Variants in TTC19 observed in about 807,000 individuals in gnomAD.
TTC19 encodes the protein tetratricopeptide repeat domain 19, also known as tetratricopeptide repeat protein 19, mitochondrial.
In TTC19, 38 loss-of-function variants were observed where a neutral mutation model predicts 49.5. The ratio of observed to expected loss-of-function variants is 0.77; its 90% CI spans 0.59 to 1.01. TTC19 has a LOEUF of 1.01. Ranked by LOEUF, TTC19 falls within the 50% of genes least tolerant of loss-of-function variation. The pLI is 0.00. For missense variants in TTC19, 475 were observed against 477.7 expected, an observed-to-expected ratio of 0.99 and a Z score of 0.05; for synonymous variants, 204 against 185.2, an observed-to-expected ratio of 1.10 and a Z score of -0.83.
intron 4 of TTC19, among the ~76,000 whole-genome samples, chr17:16,003,232 G>A (rs1247727598): frequency 6.6e-6 from 1 of 152,046 alleles, no homozygotes; most frequent in Non-Finnish European, 1.5e-5. Flanking sequence ...TAACTTAAGG[G>A]TGTCCAATCT....
downstream of TTC19, among the ~76,000 whole-genome samples, chr17:16,034,312 G>C (rs996896072): frequency 6.6e-6 from 1 of 152,050 alleles, no homozygotes; most frequent in Non-Finnish European, 1.5e-5. Flanking sequence ...TTCTATTCTG[G>C]GTGTGTGCAT....
At position 16,040,354 on chromosome 17, in the gene TTC19, T is replaced by C. The variant is rs551391172; in HGVS notation, c.248-4149T>C. The C allele has an allele frequency of 8.7e-5, 93 of 1,069,160 alleles. 1 individual carries two copies. In the African/African-American group the frequency reaches 1.2e-3, roughly 14 times the overall value. The allele number at this position is 1,069,160 out of a possible 1,614,324, so 66.2% of individuals were successfully genotyped here. On this transcript the variant is annotated intron_variant, in intron 2 of 2. Transcript: ENST00000470649. Reference sequence around the variant, plus strand: ...CATATTAGAGCAGTCACTCCCCTGGTATACAGTTGGTACTCAGTACATATT... The same window carrying C: ...CATATTAGAGCAGTCACTCCCCTGGCATACAGTTGGTACTCAGTACATATT...
rs370135667 is a variant in TTC19 at position 16,005,035 on chromosome 17, C to T, written c.581+773C>T. ...CTTTCTTGGAGTTGTAACAAACATG[C>T]CTAGTTCTTGATTGGGTATGAATCC... On this transcript the variant is annotated intron_variant, in intron 6 of 9. Coordinates refer to ENST00000261647, the MANE Select transcript of TTC19 (RefSeq NM_017775.4). Among the ~76,000 whole-genome samples the T allele has an allele frequency of 1.4e-4, 22 of 152,326 alleles. No homozygotes were observed. The East Asian group carries it at 2.3e-3, about 16-fold the overall frequency.
At chr17:16,017,014 C>A (rs1971235803) in intron 7 of TTC19, among the ~76,000 whole-genome samples, 1 of 152,138 alleles carries the variant, frequency 6.6e-6, no homozygotes, top group Non-Finnish European at 1.5e-5. Context: ...TTAAAATCTT[C>A]TTTCTTTATA....
chr17:16,034,716 T>C lies in TTC19; in HGVS notation c.247+8014T>C, dbSNP rs775541018. On this transcript the variant is annotated intron_variant, in intron 2 of 2. Coordinates refer to the TTC19 transcript ENST00000470649. The stretch of plus-strand genomic sequence containing the variant: ...TTTTGAAGAACTAATAACCAAGACA[T>C]TGATATTATTGCTCTGTCTCATTTT... 6.8e-6 allele frequency: 10 copies of C among 1,460,728 alleles called. No homozygotes were observed. The East Asian group carries it at 1.6e-4, about 23-fold the overall frequency. 90.5% of individuals were successfully genotyped at this position (1,460,728 alleles called of 1,614,324 possible). A position where few individuals can be genotyped will look rare whatever the true frequency, so the allele number is the denominator to read the frequency against.
intron 1 of TTC19, 30 bp downstream of exon 1, chr17:16,000,062 CG>C: frequency 6.9e-6 from 9 of 1,296,782 alleles, no homozygotes; most frequent in Non-Finnish European, 8.8e-6. Flanking sequence ...CGGGGCCGGC[CG>C]GGCGGGGACA....
At chr17:16,041,404 C>CTTTTTTTTTTTTTT (rs3031059) in intron 2 of TTC19, 1 of 103,784 alleles carries the variant, frequency 9.6e-6, no homozygotes, top group African/African-American at 3.7e-5. Context: ...TGTGAAAGTT[C>CTTTTTTTTTTTTTT]TTTTTTTTTT....
At chr17:16,034,809 C>G in intron 2 of TTC19, 22 of 1,614,032 alleles carry the variant, frequency 1.4e-5, no homozygotes, top group Non-Finnish European at 1.9e-5. Context: ...TGGCGTCTGC[C>G]TATGGTAATC....
intron 7 of TTC19, among the ~76,000 whole-genome samples, chr17:16,018,960 C>A (rs1267223691): frequency 5.3e-5 from 8 of 152,068 alleles, no homozygotes; most frequent in Non-Finnish European, 1.0e-4. Context: ...TCCCTGTATA[C>A]CCTTCCCTCC....
intron 9 of TTC19, 77 bp from the exon 10 acceptor site, chr17:16,027,297 A>T: frequency 6.4e-7 from 1 of 1,558,912 alleles, no homozygotes. Context: ...CTATATCTGC[A>T]TTCATGCTCT....
At chr17:16,000,319 A>C (rs1359925854) in intron 2 of TTC19, 74 bp downstream of exon 2, 3 of 1,572,398 alleles carry the variant, frequency 1.9e-6, no homozygotes, top group Admixed American at 1.8e-5. Flanking sequence ...GTTGCTGCGC[A>C]TTACTCTCTC....
intron 7 of TTC19, among the ~76,000 whole-genome samples, chr17:16,017,122 G>A (rs1971238843): frequency 6.6e-6 from 1 of 152,036 alleles, no homozygotes; most frequent in Non-Finnish European, 1.5e-5. Context: ...CCTATTTAAG[G>A]TATTTGTTAC....
In TTC19 at chr17:16,001,917, G is replaced by A. The variant is rs1970748555; in HGVS notation, c.315G>A (p.Leu105=). ...EIIQLLKRAK[L]SIMKDEPEEA... is the part of the protein sequence containing the mutation. The stretch of plus-strand genomic sequence containing the variant: ...ATTATTTTGTCTTCCCTTTTCAGTT[G>A]AGCATTATGAAAGATGAGCCAGAAG... Residue 105 remains leucine (L), a splice_region_variant and synonymous_variant, in exon 3 of 10, where the codon TTG becomes TTA. Transcript: ENST00000261647. 1.2e-6 allele frequency: 2 copies of A among 1,608,638 alleles called. No individual in the cohort carries two copies. Among genetic ancestry groups the A allele is most frequent in the African/African-American group, 1.3e-5 (1 of 74,794 alleles).
chr17:16,000,315 G>T (rs1365412076), intron 2 of TTC19, 70 bp downstream of exon 2: 11 of 1,576,600 alleles, frequency 7.0e-6, no homozygotes, highest in Non-Finnish European at 9.4e-6. Context: ...TGGCGTTGCT[G>T]CGCATTACTC....
At chr17:16,018,690 T>C (rs1489301424) in intron 7 of TTC19, among the ~76,000 whole-genome samples, 4 of 152,048 alleles carry the variant, frequency 2.6e-5, no homozygotes, top group African/African-American at 4.8e-5. Flanking sequence ...GATTTTTTCA[T>C]AGAGGCGGAG....
At chr17:16,038,095 CTT>C (rs2056791272) in intron 2 of TTC19, among the ~76,000 whole-genome samples, 2 of 151,990 alleles carry the variant, frequency 1.3e-5, no homozygotes, top group Admixed American at 6.6e-5. Context: ...CCTCTAATCT[CTT>C]TAATCTTTTT....
At chr17:16,017,448 CAAAA>C (rs372559333) in intron 7 of TTC19, among the ~76,000 whole-genome samples, 774 of 53,688 alleles carry the variant, frequency 0.014, 9 homozygotes, top group African/African-American at 0.037. Context: ...GACTCCGGCT[CAAAA>C]AAAAAAAAAA....
downstream of TTC19, chr17:16,031,611 A>C: frequency 4.4e-6 from 1 of 224,998 alleles, no homozygotes; most frequent in Non-Finnish European, 8.9e-6. Context: ...TGAAAAAAAA[A>C]AATTAAAGCC....
In TTC19 at chr17:16,027,963, G is replaced by A. The variant is rs539829068; in HGVS notation, c.*441G>A. On this transcript the variant is annotated 3_prime_UTR_variant, in exon 10 of 10. Transcript: ENST00000261647. ...ACTGACCAGAATTACCTTCCTCATGGCAAAGGGGGATTATGGTGAATTGTT... is the reference window on the plus strand; with the variant it reads ...ACTGACCAGAATTACCTTCCTCATGACAAAGGGGGATTATGGTGAATTGTT... 1 of 454,440 alleles carries A rather than the reference G, an allele frequency of 2.2e-6. No individual in the cohort carries two copies. Among genetic ancestry groups the A allele is most frequent in the East Asian group, 6.9e-5 (1 of 14,434 alleles). The allele number at this position is 454,440 out of a possible 1,614,324, so 28.2% of individuals were successfully genotyped here. A position where few individuals can be genotyped will look rare whatever the true frequency, so the allele number is the denominator to read the frequency against.
Sources: allele counts gnomAD v4.1 joint callset (sites outside exome capture counted in the v4.1 genomes callset), GRCh38; gene constraint gnomAD v4.1.1; transcripts MANE v1.5; gene names NCBI Gene and HGNC (gene_info 2026-07-23, HGNC 2026-07-21).